Variants in PRPF40B observed in about 807,000 individuals in gnomAD.
PRPF40B encodes the protein pre-mRNA processing factor 40B.
A neutral mutation model predicts 124.5 loss-of-function variants in PRPF40B; 56 were observed. That is an observed-to-expected ratio of 0.45 (90% CI 0.36 to 0.56). The LOEUF (loss-of-function observed/expected upper bound fraction) is 0.56. PRPF40B is among the 20% of genes least tolerant of loss of function. PRPF40B has a pLI of 0.00. For missense variants in PRPF40B, 1,053 were observed against 1,169.5 expected, an observed-to-expected ratio of 0.90 and a Z score of 1.45; for synonymous variants, 443 against 426.4, an observed-to-expected ratio of 1.04 and a Z score of -0.48.
chr12:49,634,957 C>T, intron 12 of PRPF40B, 142 bp from the exon 13 acceptor site: 1 of 871,014 alleles, frequency 1.1e-6, no homozygotes, highest in Non-Finnish European at 1.7e-6. Context: ...CCCTACTTCT[C>T]CATGAATGGT....
In PRPF40B at chr12:49,634,073, C is replaced by A; in HGVS notation, c.793C>A (p.Leu265Met). The A allele has an allele frequency of 1.2e-6, 2 of 1,612,904 alleles. No homozygotes were observed. The highest frequency in any genetic ancestry group is 1.7e-6 in the Non-Finnish European group (2 of 1,179,842). The change falls in exon 10 of 26, where the codon CTG (leucine) becomes ATG (methionine). Residue 265 changes from leucine (L) to methionine (M), a missense_variant. Leu to Met is a conservative substitution (Grantham distance 15). Around this residue, in one of 2 missense-constraint regions of PRPF40B, gnomAD observed 895 missense variants for 1,052.2 expected, o/e 0.85. Coordinates refer to ENST00000548825, the MANE Select transcript of PRPF40B (RefSeq NM_001031698.3). ...CCTGGAACAGGGGTTCCTGCAGCAGCTGGAGGAGGGCCCCAGCAGGTGAGG... is the reference window on the plus strand; with the variant it reads ...CCTGGAACAGGGGTTCCTGCAGCAGATGGAGGAGGGCCCCAGCAGGTGAGG... ...QPLEQGFLQQ[L>M]EEGPSSSGQH...
In PRPF40B at chr12:49,634,088, A is replaced by G; in HGVS notation, c.808A>G (p.Ser270Gly). The G allele has an allele frequency of 2.5e-6, 4 of 1,612,206 alleles. No individual in the cohort carries two copies. In the South Asian group the frequency reaches 3.3e-5, roughly 13 times the overall value. Residue 270 changes from serine (S) to glycine (G), a missense_variant, in exon 10 of 26, where the codon AGC becomes GGC. Physicochemically the swap from Ser to Gly is moderately conservative, Grantham distance 56. This residue lies in a region of PRPF40B where 895 missense variants were observed against 1,052.2 expected (regional missense o/e 0.85). Coordinates refer to ENST00000548825, the MANE Select transcript of PRPF40B (RefSeq NM_001031698.3). ...CCTGCAGCAGCTGGAGGAGGGCCCC[A>G]GCAGGTGAGGGCTGCCCCCCATGGC... Reference protein sequence around the residue: ...GFLQQLEEGPSSSGQHQPQQE... With the variant: ...GFLQQLEEGPGSSGQHQPQQE...
intron 10 of PRPF40B, 83 bp downstream of exon 10, chr12:49,634,175 C>T (rs779004653): frequency 8.9e-6 from 14 of 1,575,752 alleles, no homozygotes; most frequent in Admixed American, 8.9e-5. Flanking sequence ...CTGGGCCTCT[C>T]TCTCAGGAGG....
chr12:49,634,285 C>T (rs1207276537), intron 10 of PRPF40B, 47 bp from the exon 11 acceptor site: 14 of 1,613,128 alleles, frequency 8.7e-6, no homozygotes, highest in Non-Finnish European at 1.2e-5. Flanking sequence ...GCACTGAAAG[C>T]TGTGAGAGCT....
rs1941669801 is a variant in PRPF40B at position 49,635,353 on chromosome 12, T to C, written c.1167-12T>C. 2.5e-6 allele frequency: 4 copies of C among 1,612,344 alleles called. No individual in the cohort carries two copies. The highest frequency in any genetic ancestry group is 3.4e-6 in the Non-Finnish European group (4 of 1,179,270). On this transcript the variant is annotated splice_polypyrimidine_tract_variant and intron_variant, in intron 13 of 25. Transcript: ENST00000548825. The surrounding 1 kb of genome is among the most constrained non-coding windows in gnomAD (Gnocchi z 4.1). ...TCTCTGTCTACCTACTCACAGCTTA[T>C]ATGCTCCACAGGCGGGCAGAACAGA...
chr12:49,632,671 C>T, intron 5 of PRPF40B, 48 bp downstream of exon 5: 28 of 1,608,970 alleles, frequency 1.7e-5, no homozygotes, highest in Non-Finnish European at 2.3e-5. Context: ...GGTTGGGGGG[C>T]ATAGGGGAGA....
At chr12:49,640,130 A>G (rs1229529875) in intron 18 of PRPF40B, 1 of 152,218 alleles carries the variant, frequency 6.6e-6, no homozygotes, top group Non-Finnish European at 1.5e-5. Context: ...TGCTTTCCAC[A>G]GCCAGGCAGA....
rs754823653 is a variant in PRPF40B, at chr12:49,633,534, G to C, written c.567G>C (p.Leu189=). ...KESRWTRPKD[L]DDLEVLVKQE... Reference sequence around the variant, plus strand: ...CCCGCTGGACCCGGCCCAAGGATCTGGATGACCTAGAGGGTGAGATGTCCT... The same window carrying C: ...CCCGCTGGACCCGGCCCAAGGATCTCGATGACCTAGAGGGTGAGATGTCCT... Residue 189 remains leucine, a synonymous_variant, in exon 8 of 26, where the codon CTG becomes CTC. Transcript: ENST00000548825. 2.5e-6 allele frequency: 4 copies of C among 1,614,112 alleles called. No individual in the cohort carries two copies. The African/African-American group carries it at 5.3e-5, about 22-fold the overall frequency.
intron 1 of PRPF40B, among the ~76,000 whole-genome samples, chr12:49,625,496 CTCTT>C (rs368022110): frequency 3.9e-4 from 60 of 152,254 alleles, no homozygotes; most frequent in East Asian, 1.5e-3. Flanking sequence ...TTATCATTCC[CTCTT>C]TCTGTTTTTT....
In PRPF40B at chr12:49,644,404, G is replaced by T. The variant is rs1339381583; in HGVS notation, c.*212G>T. The T allele has an allele frequency of 5.1e-6, 3 of 588,376 alleles. No homozygotes were observed. The highest frequency in any genetic ancestry group is 9.1e-6 in the Non-Finnish European group (3 of 328,158). 36.4% of individuals were successfully genotyped at this position (588,376 alleles called of 1,614,324 possible). On this transcript the variant is annotated 3_prime_UTR_variant, in exon 26 of 26. Transcript: ENST00000548825. ...TGGACTAGTGCAGTCCTTGCCCTCA[G>T]CCCCAGACCAGAGATGGGTGGTATA... is the stretch of plus-strand genomic sequence containing the variant.
rs566436159 is a variant in PRPF40B, at chr12:49,631,769, G to T, written c.229-91G>T. On this transcript the variant is annotated intron_variant, in intron 3 of 25. Coordinates refer to ENST00000548825, the MANE Select transcript of PRPF40B (RefSeq NM_001031698.3). The surrounding 1 kb of genome is among the most constrained non-coding windows in gnomAD (Gnocchi z 4.3). ...TGCCCAAGTGAGGGTCATGGCTCCA[G>T]TGAGATGTCTCAGGACCCTTTGAGG... 3 of 1,368,822 alleles carry T rather than the reference G, an allele frequency of 2.2e-6. No individual in the cohort carries two copies. The highest frequency in any genetic ancestry group is 3.1e-6 in the Non-Finnish European group (3 of 958,146). The allele number at this position is 1,368,822 out of a possible 1,614,324, so 84.8% of individuals were successfully genotyped here.
Position 49,634,095 on chromosome 12 carries a change from G to A in PRPF40B, c.812+3G>A. 6.2e-7 allele frequency: 1 copy of A among 1,611,626 alleles called. No individual in the cohort carries two copies. The highest frequency in any genetic ancestry group is 1.1e-5 in the South Asian group (1 of 90,908). On this transcript the variant is annotated splice_donor_region_variant and intron_variant, in intron 10 of 25. Transcript: ENST00000548825. ...CAGCTGGAGGAGGGCCCCAGCAGGT[G>A]AGGGCTGCCCCCCATGGCATTCCCA... is the stretch of plus-strand genomic sequence containing the variant.
chr12:49,633,330 G>A (rs938010137), intron 7 of PRPF40B, 97 bp from the exon 8 acceptor site: 58 of 1,525,612 alleles, frequency 3.8e-5, no homozygotes, highest in African/African-American at 8.3e-5. Flanking sequence ...GTAGCTAAAG[G>A]TTCCTGTGTC....
At chr12:49,624,197 C>G (rs765202977) in intron 1 of PRPF40B, 11 of 976,710 alleles carry the variant, frequency 1.1e-5, no homozygotes, top group African/African-American at 1.7e-5. Flanking sequence ...CTTTGGGCCT[C>G]AGATTTCCCA....
intron 12 of PRPF40B, 112 bp downstream of exon 12, chr12:49,634,714 T>C: frequency 4.4e-6 from 6 of 1,368,238 alleles, no homozygotes; most frequent in Non-Finnish European, 6.1e-6. Flanking sequence ...GTCAGGACAG[T>C]GATAGATTGG....
intron 17 of PRPF40B, 53 bp from the exon 18 acceptor site, chr12:49,637,680 C>T: frequency 2.6e-6 from 4 of 1,529,192 alleles, no homozygotes; most frequent in South Asian, 2.3e-5. Context: ...GGCCCAGCCC[C>T]CAGGCCTTGG....
intron 1 of PRPF40B, among the ~76,000 whole-genome samples, chr12:49,626,069 C>T (rs1940680575): frequency 6.6e-6 from 1 of 152,184 alleles, no homozygotes; most frequent in Non-Finnish European, 1.5e-5. Context: ...TTTTCTCATG[C>T]CAACATTTCA....
rs201250984 is a variant in PRPF40B at position 49,642,583 on chromosome 12, C to T, written c.2026C>T (p.Arg676Cys). ...LELGTAWEEV[R>C]ERFVCDSAFE... is the part of the protein sequence containing the mutation. ...AGCAGTGCTCTCCTCGTTCAAGGTC[C>T]GTGAGCGTTTTGTGTGTGACTCAGC... The change falls in exon 21 of 26, where the codon CGT (arginine) becomes TGT (cysteine). Residue 676 changes from arginine to cysteine, a missense_variant. Transcript: ENST00000548825. The surrounding 1 kb of genome is among the most constrained non-coding windows in gnomAD (Gnocchi z 5.8). The T allele has an allele frequency of 9.3e-6, 15 of 1,614,066 alleles. No homozygotes were observed. In the East Asian group the frequency reaches 1.1e-4, roughly 12 times the overall value.
At chr12:49,634,722 TGGGTTG>T (rs1006704455) in intron 12 of PRPF40B, 120 bp downstream of exon 12, 2 of 1,274,974 alleles carry the variant, frequency 1.6e-6, no homozygotes, top group Non-Finnish European at 2.2e-6. Context: ...AGTGATAGAT[TGGGTTG>T]GGGTGCAAGG....
Sources: gnomAD v4.1 joint callset for allele counts (sites outside exome capture counted in the v4.1 genomes callset) on GRCh38, gnomAD v4.1.1 for gene constraint, gnomAD v4.1.1 regional missense constraint, Gnocchi (gnomAD v3.1) non-coding constraint, MANE v1.5 for transcripts, NCBI Gene and HGNC (gene_info 2026-07-23, HGNC 2026-07-21) for gene names.